The following CADM2 variants were observed in gnomAD, a reference collection of about 807,000 sequenced individuals.
CADM2 encodes cell adhesion molecule 2.
CADM2 carries 12 observed loss-of-function variants against 49.8 expected under a neutral mutation model. The observed-to-expected ratio is 0.24, with a 90% CI of 0.15 to 0.39. CADM2 has a LOEUF of 0.39. Among genes scored for constraint, CADM2 ranks in the 10% least tolerant of loss-of-function variants. CADM2 has a pLI of 1.00. For synonymous variants in CADM2, 214 were observed against 175.4 expected, an observed-to-expected ratio of 1.22 and a Z score of -1.74; for missense variants, 378 against 492.3, an observed-to-expected ratio of 0.77 and a Z score of 2.20.
intron 1 of CADM2, among the ~76,000 whole-genome samples, chr3:85,431,872 T>TATATATATATATATATATATATATA (rs2036692470): frequency 8.0e-6 from 1 of 125,514 alleles, no homozygotes; most frequent in Non-Finnish European, 1.7e-5. Context: ...TATATATATA[T>TATATATATATATATATATATATATA]GCCATGCTCT....
chr3:85,186,378 G>T (rs2041064604), intron 1 of CADM2, among the ~76,000 whole-genome samples: 1 of 152,022 alleles, frequency 6.6e-6, no homozygotes, highest in African/African-American at 2.4e-5. Context: ...GCACTAACAA[G>T]CCAATAACAC....
rs571211091 is a variant in CADM2, at chr3:85,203,392, GAGAA to G, written c.61+243731_61+243734del. The stretch of plus-strand genomic sequence containing the variant: ...GGGAAGCTGAAGGAGGAGAGAGAGA[GAGAA>G]AGAAAGTGTCAAGGGAAGGGTGGTT... On this transcript the variant is annotated intron_variant, in intron 1 of 9. Coordinates refer to ENST00000383699, the MANE Select transcript of CADM2 (RefSeq NM_001167675.2). Among the ~76,000 whole-genome samples, 662 of 152,278 alleles carry G rather than the reference GAGAA, an allele frequency of 4.3e-3. 2 individuals are homozygous for G. Among genetic ancestry groups the G allele is most frequent in the Non-Finnish European group, 7.7e-3 (525 of 68,024 alleles).
At chr3:85,698,078 G>A (rs1325662467) in intron 1 of CADM2, among the ~76,000 whole-genome samples, 2 of 152,110 alleles carry the variant, frequency 1.3e-5, no homozygotes, top group African/African-American at 4.8e-5. Flanking sequence ...GTCTAGTTGT[G>A]TACCACAAAA....
At chr3:85,082,136 T>A (rs1395202846) in intron 1 of CADM2, among the ~76,000 whole-genome samples, 1 of 152,162 alleles carries the variant, frequency 6.6e-6, no homozygotes, top group Non-Finnish European at 1.5e-5. Context: ...ATCACAAGCG[T>A]CTCTTCTGTC....
At chr3:85,948,598 G>T (rs1009544041) in intron 7 of CADM2, among the ~76,000 whole-genome samples, 3 of 150,792 alleles carry the variant, frequency 2.0e-5, no homozygotes, top group African/African-American at 7.3e-5. Flanking sequence ...CATCCTAAAA[G>T]AAATTTTCTT....
At chr3:85,970,101 G>GA (rs1185531301) in intron 8 of CADM2, among the ~76,000 whole-genome samples, 61 of 138,638 alleles carry the variant, frequency 4.4e-4, no homozygotes, top group East Asian at 2.7e-3. Flanking sequence ...ATCCCATATT[G>GA]AAAAAAAAAA....
chr3:85,297,700 T>C (rs528690840), intron 1 of CADM2, among the ~76,000 whole-genome samples: 3 of 152,164 alleles, frequency 2.0e-5, no homozygotes, highest in East Asian at 1.9e-4. Flanking sequence ...CCTGCTTTTC[T>C]CAGGATTCAG....
At chr3:85,321,116 ATTTTTTTTTTTTTTT>A (rs1157576505) in intron 1 of CADM2, among the ~76,000 whole-genome samples, 3 of 27,490 alleles carry the variant, frequency 1.1e-4, no homozygotes, top group African/African-American at 1.5e-4. Context: ...ATATATATAT[ATTTTTTTTTTTTTTT>A]TTTTTTTTTT....
intron 1 of CADM2, among the ~76,000 whole-genome samples, chr3:85,676,539 A>G (rs931098265): frequency 1.3e-5 from 2 of 152,296 alleles, no homozygotes; most frequent in East Asian, 1.9e-4. Flanking sequence ...GACTGGTGAG[A>G]TTTCAAAGTT....
At chr3:86,014,830 C>T (rs1732006332) in intron 8 of CADM2, 1 of 1,507,658 alleles carries the variant, frequency 6.6e-7, no homozygotes, top group East Asian at 2.3e-5. Context: ...ATCTATGAAG[C>T]CCTCCACCTG....
Position 85,710,940 on chromosome 3 carries a change from C to T in CADM2, c.62-15582C>T, listed in dbSNP as rs531569957. 4.5e-4 allele frequency among the ~76,000 whole-genome samples: 69 copies of T among 152,086 alleles called. 1 individual carries two copies. Among genetic ancestry groups the T allele is most frequent in the African/African-American group, 1.6e-3 (67 of 41,500 alleles). On this transcript the variant is annotated intron_variant, in intron 1 of 9. Coordinates refer to ENST00000383699, the MANE Select transcript of CADM2 (RefSeq NM_001167675.2). Reference sequence around the variant, plus strand: ...ATTCTCTGAATCTCTGAAATCATGCCAGGTGGGATTTTAGGCTTAACATAG... The same window carrying T: ...ATTCTCTGAATCTCTGAAATCATGCTAGGTGGGATTTTAGGCTTAACATAG...
chr3:85,536,135 G>T (rs1353551147), intron 1 of CADM2, among the ~76,000 whole-genome samples: 2 of 152,000 alleles, frequency 1.3e-5, no homozygotes, highest in South Asian at 4.1e-4. Context: ...GTCATTGTGT[G>T]TTTAAGGGAT....
At chr3:85,409,765 C>T (rs549082854) in intron 1 of CADM2, among the ~76,000 whole-genome samples, 4 of 152,124 alleles carry the variant, frequency 2.6e-5, no homozygotes, top group African/African-American at 9.6e-5. Context: ...GTATTTATAA[C>T]ATTGAATTGA....
Position 86,073,698 on chromosome 3 carries a change from G to A in CADM2, c.*6915G>A, listed in dbSNP as rs1365280165. ...TCATTTAGTACATTTTCTTAACCTT[G>A]AAAACAGACATTGAAAGATGGAACT... On this transcript the variant is annotated 3_prime_UTR_variant, in exon 10 of 10. Coordinates refer to ENST00000383699, the MANE Select transcript of CADM2 (RefSeq NM_001167675.2). 1 of 151,918 alleles carries A rather than the reference G, an allele frequency of 6.6e-6. No homozygotes were observed. The highest frequency in any genetic ancestry group is 1.5e-5 in the Non-Finnish European group (1 of 67,882). 9.4% of individuals were successfully genotyped at this position (151,918 alleles called of 1,614,324 possible). A position where few individuals can be genotyped will look rare whatever the true frequency, so the allele number is the denominator to read the frequency against.
intron 5 of CADM2, among the ~76,000 whole-genome samples, chr3:85,892,342 A>G (rs932059627): frequency 1.3e-5 from 2 of 152,204 alleles, no homozygotes; most frequent in Non-Finnish European, 2.9e-5. Flanking sequence ...GAGAGGCAGT[A>G]GGAGAAATTA....
At chr3:85,258,316 A>T (rs371417517) in intron 1 of CADM2, among the ~76,000 whole-genome samples, 1 of 152,028 alleles carries the variant, frequency 6.6e-6, no homozygotes, top group Non-Finnish European at 1.5e-5. Flanking sequence ...TGCCCAATCA[A>T]TTTTCATGGT....
At chr3:86,028,410 T>C (rs530324308) in intron 8 of CADM2, among the ~76,000 whole-genome samples, 2 of 152,252 alleles carry the variant, frequency 1.3e-5, no homozygotes, top group African/African-American at 2.4e-5. Flanking sequence ...TAACAATGGC[T>C]AACAGTTGCT....
At chr3:85,145,228 A>G (rs367971357) in intron 1 of CADM2, among the ~76,000 whole-genome samples, 1 of 152,200 alleles carries the variant, frequency 6.6e-6, no homozygotes, top group Admixed American at 6.5e-5. Flanking sequence ...CACTAAAATG[A>G]CCACATTTAT....
intron 7 of CADM2, among the ~76,000 whole-genome samples, chr3:85,950,889 A>G (rs1335465867): frequency 6.6e-6 from 1 of 151,092 alleles, no homozygotes; most frequent in Non-Finnish European, 1.5e-5. Flanking sequence ...ATAAACTTAG[A>G]ATCAGCGTTT....
Sources: allele counts gnomAD v4.1 joint callset (sites outside exome capture counted in the v4.1 genomes callset), GRCh38; gene constraint gnomAD v4.1.1; transcripts MANE v1.5; gene names NCBI Gene and HGNC (gene_info 2026-07-23, HGNC 2026-07-21).